C1orf94: variants seen among roughly 807,000 people sequenced by gnomAD.
C1orf94 encodes uncharacterized protein C1orf94.
C1orf94 carries 45 observed loss-of-function variants against 53.6 expected under a neutral mutation model. The observed-to-expected ratio is 0.84, with a 90% CI of 0.66 to 1.08. C1orf94 has a LOEUF of 1.08. Ranked by LOEUF, C1orf94 falls within the 50% of genes least tolerant of loss-of-function variation. The pLI is 0.00. For synonymous variants in C1orf94, 304 were observed against 296.1 expected (o/e 1.03, Z -0.27); for missense variants, 762 against 738.9 (o/e 1.03, Z -0.36).
chr1:34,168,564 C>A (rs559961255), intron 1 of C1orf94, among the ~76,000 whole-genome samples: 63 of 152,208 alleles, frequency 4.1e-4, no homozygotes, highest in Non-Finnish European at 8.1e-4. Context: ...CAACAAAGTA[C>A]CATAGACCCT....
chr1:34,183,657 A>G (rs968016378), intron 1 of C1orf94, among the ~76,000 whole-genome samples: 1 of 152,112 alleles, frequency 6.6e-6, no homozygotes, highest in African/African-American at 2.4e-5. Flanking sequence ...GAGTTTTGAG[A>G]TCAGCCTGGC....
upstream of C1orf94, among the ~76,000 whole-genome samples, chr1:34,175,687 T>C (rs971095190): frequency 6.6e-6 from 1 of 152,158 alleles, no homozygotes; most frequent in African/African-American, 2.4e-5. Context: ...CATTAATTCA[T>C]CCAACACATA....
At chr1:34,168,378 G>C (rs1020232008) in intron 1 of C1orf94, among the ~76,000 whole-genome samples, 1 of 152,080 alleles carries the variant, frequency 6.6e-6, no homozygotes, top group East Asian at 1.9e-4. Context: ...CACAGGCAAG[G>C]CTGTAAAAAG....
intron 1 of C1orf94, among the ~76,000 whole-genome samples, chr1:34,193,721 A>C (rs1340117701): frequency 6.6e-6 from 1 of 152,244 alleles, no homozygotes; most frequent in Non-Finnish European, 1.5e-5. Flanking sequence ...GGTAGGATTA[A>C]ATATGAACAC....
chr1:34,190,695 T>A (rs973758930), intron 1 of C1orf94, among the ~76,000 whole-genome samples: 1 of 152,182 alleles, frequency 6.6e-6, no homozygotes, highest in African/African-American at 2.4e-5. Context: ...GAGAGAGGCA[T>A]TGGAACGAGA....
In C1orf94 at chr1:34,185,040, T is replaced by G. The variant is rs566310926; in HGVS notation, c.320+6931T>G. Among the ~76,000 whole-genome samples the G allele has an allele frequency of 5.9e-5, 9 of 152,216 alleles. No individual in the cohort carries two copies. In the South Asian group the frequency reaches 1.9e-3, roughly 32 times the overall value. On this transcript the variant is annotated intron_variant, in intron 1 of 6. Transcript: ENST00000488417. ...TCTGAGAAAAAGCTTCTGTGCAGCT[T>G]TTGTCTGAAACACATCCTCACATCT...
intron 1 of C1orf94, among the ~76,000 whole-genome samples, chr1:34,185,495 C>T (rs1642372047): frequency 1.3e-5 from 2 of 152,316 alleles, no homozygotes; most frequent in South Asian, 2.1e-4. Context: ...CTCTCTTGAG[C>T]TTCCCAATGC....
At chr1:34,204,402 T>C (rs923533856) in intron 4 of C1orf94, among the ~76,000 whole-genome samples, 17 of 152,154 alleles carry the variant, frequency 1.1e-4, no homozygotes, top group Non-Finnish European at 2.2e-4. Flanking sequence ...CACCCCATTG[T>C]GGAGGTGAGA....
intron 3 of C1orf94, 39 bp downstream of exon 3, chr1:34,201,071 G>T (rs745314405): frequency 2.9e-5 from 45 of 1,552,090 alleles, no homozygotes; most frequent in Non-Finnish European, 3.8e-5. Context: ...GAGGGGAGGG[G>T]GTTGCAGTGA....
intron 1 of C1orf94, among the ~76,000 whole-genome samples, chr1:34,185,747 A>G (rs1486291948): frequency 1.3e-5 from 2 of 151,918 alleles, no homozygotes; most frequent in Non-Finnish European, 2.9e-5. Context: ...CCCTTCACCA[A>G]TTTCATCTTC....
upstream of C1orf94, among the ~76,000 whole-genome samples, chr1:34,175,791 T>A (rs1642215970): frequency 6.6e-6 from 1 of 152,018 alleles, no homozygotes; most frequent in Admixed American, 6.6e-5. Flanking sequence ...CTTCTCAAAT[T>A]TTTCTCCTCA....
intron 1 of C1orf94, among the ~76,000 whole-genome samples, chr1:34,195,169 C>G (rs1233124028): frequency 6.6e-6 from 1 of 152,014 alleles, no homozygotes; most frequent in Non-Finnish European, 1.5e-5. Context: ...ACACATAGCT[C>G]CAGTGGCCCT....
At chr1:34,201,921 T>G (rs114002592) in intron 3 of C1orf94, among the ~76,000 whole-genome samples, 163 bp from the exon 4 acceptor site, 49 of 152,322 alleles carry the variant, frequency 3.2e-4, no homozygotes, top group Non-Finnish European at 6.8e-4. Context: ...TAATGATGTT[T>G]ACCTATAGTT....
At chr1:34,213,518 A>G (rs1007219400) in intron 6 of C1orf94, among the ~76,000 whole-genome samples, 6 of 151,900 alleles carry the variant, frequency 3.9e-5, no homozygotes, top group African/African-American at 1.5e-4. Context: ...CATGAAATCC[A>G]CACCCTTTTC....
At chr1:34,185,873 C>T (rs1486015490) in intron 1 of C1orf94, among the ~76,000 whole-genome samples, 2 of 152,218 alleles carry the variant, frequency 1.3e-5, no homozygotes, top group African/African-American at 2.4e-5. Flanking sequence ...TCTAGATGCA[C>T]GTCTTGCTGG....
Position 34,200,782 on chromosome 1 carries a change from T to C in C1orf94, c.1020T>C (p.Pro340=). 6.2e-7 allele frequency: 1 copy of C among 1,614,118 alleles called. No individual in the cohort carries two copies. ...VERHHLMEWS[P]GTKEPKKGQG... ...TCTTTCCTGCTACAGAATGGAGCCC[T>C]GGCACCAAGGAGCCAAAAAAGGGTC... The change falls in exon 3 of 7, where the codon CCT becomes CCC. Residue 340 remains proline, a synonymous_variant. Transcript: ENST00000488417.
At chr1:34,207,551 T>C (rs1029708993) in intron 4 of C1orf94, among the ~76,000 whole-genome samples, 15 of 152,202 alleles carry the variant, frequency 9.9e-5, no homozygotes, top group Admixed American at 3.9e-4. Flanking sequence ...GATGGGCACA[T>C]AGATACACAG....
In C1orf94 at chr1:34,197,426, C is replaced by T. The variant is rs546423625; in HGVS notation, c.522C>T (p.Pro174=). 5.2e-4 allele frequency: 846 copies of T among 1,613,996 alleles called. 13 individuals carry two copies. In the South Asian group the frequency reaches 8.8e-3, roughly 17 times the overall value. ...PPLVAGSNER[P]RASIIVGDKL... Reference sequence around the variant, plus strand: ...TAGTGGCAGGCAGTAATGAGCGCCCCAGAGCCTCCATCATTGTCGGAGACA... The same window carrying T: ...TAGTGGCAGGCAGTAATGAGCGCCCTAGAGCCTCCATCATTGTCGGAGACA... The change falls in exon 2 of 7, where the codon CCC becomes CCT. Residue 174 remains proline (P), a synonymous_variant. Transcript: ENST00000488417. This position sits in a 1 kb window ranked among gnomAD's most constrained non-coding sequence, Gnocchi z 4.1.
At chr1:34,203,363 G>A (rs916083498) in intron 4 of C1orf94, among the ~76,000 whole-genome samples, 1 of 152,150 alleles carries the variant, frequency 6.6e-6, no homozygotes, top group Non-Finnish European at 1.5e-5. Context: ...CCCGCCTCAT[G>A]TGATCCACCT....
Sources: gnomAD v4.1 joint callset for allele counts (sites outside exome capture counted in the v4.1 genomes callset) on GRCh38, gnomAD v4.1.1 for gene constraint, Gnocchi (gnomAD v3.1) non-coding constraint, MANE v1.5 for transcripts, NCBI Gene and HGNC (gene_info 2026-07-23, HGNC 2026-07-21) for gene names.